Variants in SYNE2 observed in about 807,000 individuals in gnomAD.
The protein encoded by SYNE2 is nesprin-2.
SYNE2 carries 431 observed loss-of-function variants against 856.3 expected under a neutral mutation model. The observed-to-expected ratio is 0.50, with a 90% CI of 0.47 to 0.55. The LOEUF is 0.55. Ranked by LOEUF, SYNE2 falls within the 20% of genes least tolerant of loss-of-function variation. The probability of loss-of-function intolerance (pLI) is 0.00; values close to 1 mark genes in which losing one functional copy is unlikely to be tolerated. For missense variants in SYNE2, 8,129 were observed against 8,023.2 expected (o/e 1.01, Z -0.50); for synonymous variants, 2,923 against 2,872.3 (o/e 1.02, Z -0.56).
In SYNE2 at chr14:64,134,112, A is replaced by G. The variant is rs1255032085; in HGVS notation, c.14558A>G (p.Asp4853Gly). 1.2e-6 allele frequency: 2 copies of G among 1,613,930 alleles called. No homozygotes were observed. The highest frequency in any genetic ancestry group is 1.3e-5 in the African/African-American group (1 of 74,920). Reference sequence around the variant, plus strand: ...GAAAACTATGCATCTCTTGAAAAGGACCTGGAAATTCTTATATCTACATTG... The same window carrying G: ...GAAAACTATGCATCTCTTGAAAAGGGCCTGGAAATTCTTATATCTACATTG... ...FDENYASLEKDLEILISTLPS... is the reference protein window; with the variant it reads ...FDENYASLEKGLEILISTLPS... The change falls in exon 78 of 116, where the codon GAC (aspartate) becomes GGC (glycine). Residue 4853 changes from aspartate (D) to glycine (G), a missense_variant. Transcript: ENST00000555002.
At chr14:64,026,523 T>C in intron 41 of SYNE2, 56 bp from the exon 42 acceptor site, 1 of 1,305,276 alleles carries the variant, frequency 7.7e-7, no homozygotes, top group East Asian at 2.4e-5. Context: ...AGAGATAGCA[T>C]GTAGTATCTC....
At chr14:64,023,819 C>T (rs2096956492) in intron 38 of SYNE2, 1 of 243,494 alleles carries the variant, frequency 4.1e-6, no homozygotes, top group South Asian at 5.8e-5. Flanking sequence ...CACCCCTCTT[C>T]TAACAATTTG....
At chr14:64,133,920 G>A in intron 77 of SYNE2, 149 bp from the exon 78 acceptor site, 2 of 811,480 alleles carry the variant, frequency 2.5e-6, no homozygotes, top group South Asian at 3.0e-5. Flanking sequence ...GCTTACCAGG[G>A]TGGGGTTACG....
chr14:64,206,568 T>TC (rs2098606401), intron 100 of SYNE2, among the ~76,000 whole-genome samples: 2 of 152,022 alleles, frequency 1.3e-5, no homozygotes, highest in Non-Finnish European at 2.9e-5. Context: ...TTGGGCTTTT[T>TC]TTTTTTTAAC....
At chr14:63,943,159 G>C (rs1477348791) in intron 6 of SYNE2, among the ~76,000 whole-genome samples, 1 of 152,226 alleles carries the variant, frequency 6.6e-6, no homozygotes, top group Non-Finnish European at 1.5e-5. Flanking sequence ...ATCTGACTGT[G>C]AATAATCCCA....
intron 7 of SYNE2, among the ~76,000 whole-genome samples, chr14:63,950,416 G>A (rs908381774): frequency 2.6e-5 from 4 of 152,040 alleles, no homozygotes; most frequent in Admixed American, 6.6e-5. Flanking sequence ...TTAGCCTGGC[G>A]TGGTGGCATG....
In SYNE2 at chr14:64,173,357, C is replaced by A. The variant is rs549908035; in HGVS notation, c.17236-1587C>A. 5.9e-5 allele frequency among the ~76,000 whole-genome samples: 9 copies of A among 152,284 alleles called. No individual in the cohort carries two copies. The South Asian group carries it at 1.5e-3, about 25-fold the overall frequency. Reference sequence around the variant, plus strand: ...ATACGAGTGGCTCATTTGCGCAGCACAATATGTTGGAGAGATGCACGTGGA... The same window carrying A: ...ATACGAGTGGCTCATTTGCGCAGCAAAATATGTTGGAGAGATGCACGTGGA... On this transcript the variant is annotated intron_variant, in intron 94 of 115. Coordinates refer to ENST00000555002, the MANE Select transcript of SYNE2 (RefSeq NM_182914.3).
At chr14:64,186,992 A>G (rs943108412) in intron 97 of SYNE2, among the ~76,000 whole-genome samples, 5 of 152,226 alleles carry the variant, frequency 3.3e-5, no homozygotes, top group African/African-American at 1.2e-4. Flanking sequence ...CCCACCAGGC[A>G]TGGGAGCATT....
intron 1 of SYNE2, among the ~76,000 whole-genome samples, chr14:63,804,359 T>A (rs1888276463): frequency 6.6e-6 from 1 of 152,228 alleles, no homozygotes. Flanking sequence ...GCAGAAGCTC[T>A]TTAGTTTAAT....
At chr14:64,179,960 CAT>C (rs1360914738) in intron 96 of SYNE2, among the ~76,000 whole-genome samples, 1 of 152,188 alleles carries the variant, frequency 6.6e-6, no homozygotes, top group Non-Finnish European at 1.5e-5. Context: ...ATACTAAAGT[CAT>C]AAAATACGTG....
intron 1 of SYNE2, among the ~76,000 whole-genome samples, chr14:63,841,856 A>ATTTTTTT: frequency 9.7e-6 from 1 of 103,440 alleles, no homozygotes. Flanking sequence ...TTTTTGAGAC[A>ATTTTTTT]TTGTCTCATT....
At chr14:64,173,726 G>A (rs568997881) in intron 94 of SYNE2, among the ~76,000 whole-genome samples, 14 of 152,140 alleles carry the variant, frequency 9.2e-5, no homozygotes, top group Admixed American at 6.5e-4. Flanking sequence ...GGCCACCCGA[G>A]TAGCTGGGAC....
Position 64,031,132 on chromosome 14 carries a change from A to G in SYNE2, c.6996A>G (p.Ile2332Met), listed in dbSNP as rs2097031045. The G allele has an allele frequency of 6.2e-7, 1 of 1,614,162 alleles. No individual in the cohort carries two copies. Residue 2332 changes from isoleucine (I) to methionine (M), a missense_variant, in exon 45 of 116, where the codon ATA becomes ATG. By Grantham distance (10) the Ile-to-Met change is conservative (BLOSUM62 1). Coordinates refer to ENST00000555002, the MANE Select transcript of SYNE2 (RefSeq NM_182914.3). ...SVGQKIIKDD[I>M]KSLQCKQKDL... Reference sequence around the variant, plus strand: ...GGCAGAAGATTATTAAAGATGATATAAAATCACTTCAGTGTAAACAAAAAG... The same window carrying G: ...GGCAGAAGATTATTAAAGATGATATGAAATCACTTCAGTGTAAACAAAAAG...
intron 7 of SYNE2, among the ~76,000 whole-genome samples, chr14:63,950,614 AC>A (rs2153431532): frequency 6.6e-6 from 1 of 152,170 alleles, no homozygotes; most frequent in African/African-American, 2.4e-5. Context: ...ATATTAAGAG[AC>A]CTCAGAGTTT....
rs372802758 is a variant in SYNE2 at position 64,114,307 on chromosome 14, G to A, written c.12840+736G>A. Among the ~76,000 whole-genome samples the A allele has an allele frequency of 1.7e-4, 26 of 152,256 alleles. 1 individual carries two copies. Among genetic ancestry groups the A allele is most frequent in the Middle Eastern group, 3.4e-3 (1 of 294 alleles). Reference sequence around the variant, plus strand: ...GCAACAGCATAATCGAGTGTCACAAGAGCAGGGGCACGCGAGCTGCTTGCA... The same window carrying A: ...GCAACAGCATAATCGAGTGTCACAAAAGCAGGGGCACGCGAGCTGCTTGCA... On this transcript the variant is annotated intron_variant, in intron 66 of 115. Coordinates refer to ENST00000555002, the MANE Select transcript of SYNE2 (RefSeq NM_182914.3).
intron 60 of SYNE2, among the ~76,000 whole-genome samples, chr14:64,092,951 A>G (rs2097639700): frequency 6.6e-6 from 1 of 150,808 alleles, no homozygotes; most frequent in African/African-American, 2.5e-5. Context: ...CTATGCGGAA[A>G]GCCCCCCCGC....
intron 11 of SYNE2, among the ~76,000 whole-genome samples, chr14:63,975,859 A>G (rs2096538228): frequency 6.6e-6 from 1 of 152,200 alleles, no homozygotes; most frequent in South Asian, 2.1e-4. Context: ...TTGTTCATAA[A>G]TGTTTGGCCA....
rs8015210 is a variant in SYNE2, at chr14:63,998,633, C to T, written c.3354-281C>T. On this transcript the variant is annotated intron_variant, in intron 26 of 115. Coordinates refer to ENST00000555002, the MANE Select transcript of SYNE2 (RefSeq NM_182914.3). Reference sequence around the variant, plus strand: ...CTGGAGTGCAGTGGCGCCATCTTGGCTTGCTGCAGCCTCCGCCTCCCAGGA... The same window carrying T: ...CTGGAGTGCAGTGGCGCCATCTTGGTTTGCTGCAGCCTCCGCCTCCCAGGA... Among the ~76,000 whole-genome samples the T allele has an allele frequency of 0.08, 12,106 of 152,184 alleles. 526 individuals carry two copies. Among genetic ancestry groups the T allele is most frequent in the Admixed American group, 0.11 (1,630 of 15,276 alleles).
At position 64,025,194 on chromosome 14, in the gene SYNE2, G is replaced by C. The variant is rs1186591563; in HGVS notation, c.6025G>C (p.Glu2009Gln). 1.2e-6 allele frequency: 2 copies of C among 1,613,966 alleles called. No individual in the cohort carries two copies. The highest frequency in any genetic ancestry group is 4.5e-5 in the East Asian group (2 of 44,874). ...SLKEYGFTEE[E>Q]EIIMEATCLM... is the part of the protein sequence containing the mutation. ...GAAGGAATATGGGTTTACTGAAGAAGAAGAAATAATAATGGAAGCAACATG... is the reference window on the plus strand; with the variant it reads ...GAAGGAATATGGGTTTACTGAAGAACAAGAAATAATAATGGAAGCAACATG... The change falls in exon 41 of 116, where the codon GAA (glutamate) becomes CAA (glutamine). Residue 2009 changes from glutamate to glutamine, a missense_variant. Around this residue, in one of 3 missense-constraint regions of SYNE2, gnomAD observed 2,422 missense variants for 2,357.4 expected, o/e 1.03. Coordinates refer to ENST00000555002, the MANE Select transcript of SYNE2 (RefSeq NM_182914.3).
Sources: allele counts gnomAD v4.1 joint callset (sites outside exome capture counted in the v4.1 genomes callset), GRCh38; gene constraint gnomAD v4.1.1; regional missense constraint gnomAD v4.1.1; transcripts MANE v1.5; gene names NCBI Gene and HGNC (gene_info 2026-07-23, HGNC 2026-07-21).